CDKN2A: variants seen among roughly 807,000 people sequenced by gnomAD.
CDKN2A encodes cyclin-dependent kinase inhibitor 2A.
Under a neutral mutation model 11.1 loss-of-function variants are expected in CDKN2A, and 3 were observed. That is an observed-to-expected ratio of 0.27 (90% CI 0.12 to 0.70). The LOEUF is 0.70. Ranked by LOEUF, CDKN2A falls within the 30% of genes least tolerant of loss-of-function variation. The pLI, the probability that CDKN2A is intolerant of heterozygous loss-of-function variation, is 0.77. For missense variants in CDKN2A, 265 were observed against 233.6 expected, an observed-to-expected ratio of 1.13 and a Z score of -0.88; for synonymous variants, 122 against 108.1, an observed-to-expected ratio of 1.13 and a Z score of -0.80.
intron 1 of CDKN2A, chr9:21,994,468 G>A: frequency 6.6e-7 from 1 of 1,518,018 alleles, no homozygotes; most frequent in Non-Finnish European, 8.8e-7. Flanking sequence ...CGCCCCGCAG[G>A]CGCGCACCCG....
intron 2 of CDKN2A, among the ~76,000 whole-genome samples, chr9:21,993,190 C>T (rs1820473798): frequency 6.6e-6 from 1 of 152,156 alleles, no homozygotes; most frequent in African/African-American, 2.4e-5. Context: ...AAAGTGAAGC[C>T]TCATTAAATT....
At chr9:21,974,873 G>T, upstream of CDKN2A, 3 of 1,480,084 alleles carry the variant, frequency 2.0e-6, no homozygotes, top group South Asian at 1.4e-5. This position sits in a 1 kb window ranked among gnomAD's most constrained non-coding sequence, Gnocchi z 5.2. Flanking sequence ...CTCCGCAGCC[G>T]CCGAGCGCAC....
chr9:21,971,575 A>ATTTT lies in CDKN2A; in HGVS notation c.151-371_151-368dup, dbSNP rs59981968. Among the ~76,000 whole-genome samples the ATTTT allele has an allele frequency of 3.6e-4, 40 of 111,392 alleles. 3 individuals carry two copies. Among genetic ancestry groups the ATTTT allele is most frequent in the African/African-American group, 1.3e-3 (29 of 22,910 alleles). 73.1% of individuals were successfully genotyped at this position (111,392 alleles called of 152,430 possible). A position where few individuals can be genotyped will look rare whatever the true frequency, so the allele number is the denominator to read the frequency against. On this transcript the variant is annotated intron_variant, in intron 1 of 2. Coordinates refer to ENST00000304494, the MANE Select transcript of CDKN2A (RefSeq NM_000077.5). Reference sequence around the variant, plus strand: ...TCCTGAAATTATGTTAGGCCTGGAGATTTTTTTTTTTTTTTTTGTTCACTG... The same window carrying ATTTT: ...TCCTGAAATTATGTTAGGCCTGGAGATTTTTTTTTTTTTTTTTTTTTGTTCACTG...
At position 21,973,807 on chromosome 9, in the gene CDKN2A, C is replaced by G. The variant is rs1191309108; in HGVS notation, c.150+871G>C. ...TGGCTCATTATTTCCTAAGTTCCTACAGCAAACATATATTTATTTGCCCTA... is the reference window on the plus strand; with the variant it reads ...TGGCTCATTATTTCCTAAGTTCCTAGAGCAAACATATATTTATTTGCCCTA... On this transcript the variant is annotated intron_variant, in intron 1 of 2. Coordinates refer to ENST00000304494, the MANE Select transcript of CDKN2A (RefSeq NM_000077.5). Among the ~76,000 whole-genome samples the G allele has an allele frequency of 4.6e-5, 7 of 152,220 alleles. No individual in the cohort carries two copies. The South Asian group carries it at 1.4e-3, about 31-fold the overall frequency.
intron 2 of CDKN2A, among the ~76,000 whole-genome samples, chr9:21,980,309 G>C (rs1477618412): frequency 6.6e-6 from 1 of 152,064 alleles, no homozygotes; most frequent in South Asian, 2.1e-4. Context: ...TTTAAATATA[G>C]CTTGGTGTTA....
chr9:21,979,630 T>C (rs1287954952), upstream of CDKN2A, among the ~76,000 whole-genome samples: 1 of 152,190 alleles, frequency 6.6e-6, no homozygotes, highest in East Asian at 1.9e-4. Context: ...CACTTCCTTC[T>C]ATGAATGAGG....
chr9:21,992,527 AT>A, intron 2 of CDKN2A: 1 of 663,998 alleles, frequency 1.5e-6, no homozygotes, highest in Non-Finnish European at 1.9e-6. Context: ...TCATTTAAAT[AT>A]TTTTGCATTT....
In CDKN2A at chr9:21,991,835, T is replaced by TGAATCATGTACACATGGG. The variant is rs1820438236; in HGVS notation, c.-4+2029_-4+2046dup. 1 of 985,008 alleles carries TGAATCATGTACACATGGG rather than the reference T, an allele frequency of 1.0e-6. No individual in the cohort carries two copies. The highest frequency in any genetic ancestry group is 1.2e-6 in the Non-Finnish European group (1 of 829,698). 61.0% of individuals were successfully genotyped at this position (985,008 alleles called of 1,614,324 possible). On this transcript the variant is annotated intron_variant, in intron 2 of 3. Coordinates refer to the CDKN2A transcript ENST00000494262. This position sits in a 1 kb window ranked among gnomAD's most constrained non-coding sequence, Gnocchi z 5.2. ...TTCACTTGGAACACAATACAAACTG[T>TGAATCATGTACACATGGG]GAATCATGTACACATGGGGAATAAT...
Position 21,968,488 on chromosome 9 carries a change from C to A in CDKN2A, c.458-246G>T. On this transcript the variant is annotated intron_variant, in intron 2 of 2. Transcript: ENST00000304494. The surrounding 1 kb of genome is among the most constrained non-coding windows in gnomAD (Gnocchi z 4.7). Reference sequence around the variant, plus strand: ...GCTCAAGCGCTCCAGGTCCACCCGGCGGAGGGCAGAGAAAGCGCGACCGCG... The same window carrying A: ...GCTCAAGCGCTCCAGGTCCACCCGGAGGAGGGCAGAGAAAGCGCGACCGCG... 2.1e-6 allele frequency: 3 copies of A among 1,457,750 alleles called. No individual in the cohort carries two copies. The highest frequency in any genetic ancestry group is 2.5e-5 in the East Asian group (1 of 40,352). The allele number at this position is 1,457,750 out of a possible 1,614,324, so 90.3% of individuals were successfully genotyped here.
rs764949869 is a variant in CDKN2A, at chr9:21,994,333, T to A, written c.-175-280A>T. 2.5e-6 allele frequency: 4 copies of A among 1,606,522 alleles called. No homozygotes were observed. Among genetic ancestry groups the A allele is most frequent in the Middle Eastern group, 1.7e-4 (1 of 6,044 alleles). The stretch of plus-strand genomic sequence containing the variant: ...GGTCACCAAGAACCTGCGCACCATG[T>A]TCTCGCCGCCTCCAGGGCCGAGCTC... On this transcript the variant is annotated intron_variant, in intron 1 of 3. Transcript: ENST00000494262.
intron 2 of CDKN2A, chr9:21,969,608 T>C: frequency 2.5e-6 from 1 of 393,216 alleles, no homozygotes; most frequent in Non-Finnish European, 4.5e-6. Flanking sequence ...TCGTTCAGTT[T>C]ATTCATTTGC....
intron 1 of CDKN2A, among the ~76,000 whole-genome samples, chr9:21,972,200 A>G (rs1332979779): frequency 1.3e-5 from 2 of 152,228 alleles, no homozygotes; most frequent in Non-Finnish European, 2.9e-5. Flanking sequence ...AGGCTAGTTT[A>G]ATTAACCCTA....
chr9:21,975,151 A>G, upstream of CDKN2A: 1 of 1,196,856 alleles, frequency 8.4e-7, no homozygotes, highest in Non-Finnish European at 1.0e-6. Flanking sequence ...CAGCGTTGGC[A>G]AGGAAGGAGG....
At position 21,991,861 on chromosome 9, in the gene CDKN2A, G is replaced by C. The variant is rs533449139; in HGVS notation, c.-4+2021C>G. Reference sequence around the variant, plus strand: ...GAATCATGTACACATGGGGAATAATGGTTTATACTAACTGCACAGTGCTTA... The same window carrying C: ...GAATCATGTACACATGGGGAATAATCGTTTATACTAACTGCACAGTGCTTA... On this transcript the variant is annotated intron_variant, in intron 2 of 3. Transcript: ENST00000494262. The surrounding 1 kb of genome is among the most constrained non-coding windows in gnomAD (Gnocchi z 5.2). The C allele has an allele frequency of 1.3e-3, 1,288 of 985,208 alleles. No individual in the cohort carries two copies. The highest frequency in any genetic ancestry group is 1.5e-3 in the Non-Finnish European group (1,248 of 829,750). The allele number at this position is 985,208 out of a possible 1,614,324, so 61.0% of individuals were successfully genotyped here. A position where few individuals can be genotyped will look rare whatever the true frequency, so the allele number is the denominator to read the frequency against.
chr9:21,972,640 T>G (rs1423288014), intron 1 of CDKN2A, among the ~76,000 whole-genome samples: 1 of 152,254 alleles, frequency 6.6e-6, no homozygotes, highest in Non-Finnish European at 1.5e-5. Flanking sequence ...TGATAATTTG[T>G]AACAGCAGCA....
In CDKN2A at chr9:21,974,639, C is replaced by G. The variant is rs780580671; in HGVS notation, c.150+39G>C. 6.2e-7 allele frequency: 1 copy of G among 1,614,236 alleles called. No homozygotes were observed. Among genetic ancestry groups the G allele is most frequent in the South Asian group, 1.1e-5 (1 of 91,088 alleles). On this transcript the variant is annotated intron_variant, in intron 1 of 2. Transcript: ENST00000304494. This position sits in a 1 kb window ranked among gnomAD's most constrained non-coding sequence, Gnocchi z 5.2. Reference sequence around the variant, plus strand: ...CTGCAAACTTCGTCCTCCAGAGTCGCCCGCCATCCCCTGCTCCCGCTGCAG... The same window carrying G: ...CTGCAAACTTCGTCCTCCAGAGTCGGCCGCCATCCCCTGCTCCCGCTGCAG...
upstream of CDKN2A, among the ~76,000 whole-genome samples, chr9:21,976,673 G>A (rs369250981): frequency 1.3e-5 from 2 of 152,134 alleles, no homozygotes; most frequent in East Asian, 1.9e-4. Flanking sequence ...AGCCGAGATC[G>A]CGCCATTGCA....
chr9:21,976,480 C>A (rs934059880), upstream of CDKN2A, among the ~76,000 whole-genome samples: 54 of 152,180 alleles, frequency 3.5e-4, no homozygotes, highest in African/African-American at 1.2e-3. Context: ...TTCTGGGAGG[C>A]CGAGACAGGC....
intron 1 of CDKN2A, among the ~76,000 whole-genome samples, chr9:21,972,363 T>C (rs1465354811): frequency 4.6e-5 from 7 of 152,152 alleles, no homozygotes; most frequent in Non-Finnish European, 1.0e-4. Flanking sequence ...ATCCAGAATT[T>C]TCAGGGTGGG....
Sources: gnomAD v4.1 joint callset for allele counts (sites outside exome capture counted in the v4.1 genomes callset) on GRCh38, gnomAD v4.1.1 for gene constraint, Gnocchi (gnomAD v3.1) non-coding constraint, MANE v1.5 for transcripts, NCBI Gene and HGNC (gene_info 2026-07-23, HGNC 2026-07-21) for gene names.